Variants in TRIM27 observed in about 807,000 individuals in gnomAD.
TRIM27 encodes the protein tripartite motif containing 27, also known as zinc finger protein RFP.
In TRIM27, 12 loss-of-function variants were observed where a neutral mutation model predicts 57.6. The observed-to-expected ratio is 0.21, with a 90% CI of 0.13 to 0.34. The LOEUF is 0.34. Among genes scored for constraint, TRIM27 ranks in the 10% least tolerant of loss-of-function variants. TRIM27 has a pLI of 1.00. For synonymous variants in TRIM27, 266 were observed against 259.0 expected (o/e 1.03, Z -0.26); for missense variants, 403 against 656.8 (o/e 0.61, Z 4.22).
chr6:28,923,588 G>A lies in TRIM27; in HGVS notation c.45C>T (p.Thr15=). 1 of 1,604,090 alleles carries A rather than the reference G, an allele frequency of 6.2e-7. No individual in the cohort carries two copies. Among genetic ancestry groups the A allele is most frequent in the Non-Finnish European group, 8.5e-7 (1 of 1,174,584 alleles). Residue 15 remains threonine (T), a synonymous_variant, in exon 1 of 8, where the codon ACC becomes ACT. Transcript: ENST00000377199. ...CGAAGTACTGCAGGCACACGGGGCA[G>A]GTGGTCTCCTGCTGCAGGCACTCGG... ...SVAECLQQET[T]CPVCLQYFAE...
Position 28,920,063 on chromosome 6 carries a change from C to G in TRIM27, c.696G>C (p.Leu232=), listed in dbSNP as rs1488521014. 3 of 1,614,002 alleles carry G rather than the reference C, an allele frequency of 1.9e-6. No individual in the cohort carries two copies. The highest frequency in any genetic ancestry group is 2.5e-6 in the Non-Finnish European group (3 of 1,180,038). The change falls in exon 3 of 8, where the codon CTG becomes CTC. Residue 232 remains leucine, a synonymous_variant. Coordinates refer to ENST00000377199, the MANE Select transcript of TRIM27 (RefSeq NM_006510.5). The part of the protein sequence containing the change: ...FSCNISHLSS[L]IAQLEEKQQQ... ...GCTGCTTCTCTTCTAGCTGAGCGAT[C>G]AGGCTGCTGAGGTGGGAGATGTTGC...
rs376745182 is a variant in TRIM27, at chr6:28,923,882, C to T, written c.-250G>A. ...CGGCTCACCGAGGCTCGCGGCCACG[C>T]TAGTGGGGCAGGAAAGGGTAGCCGA... On this transcript the variant is annotated 5_prime_UTR_variant, in exon 1 of 8. Coordinates refer to ENST00000377199, the MANE Select transcript of TRIM27 (RefSeq NM_006510.5). The T allele has an allele frequency of 5.8e-5, 29 of 500,806 alleles. No homozygotes were observed. The African/African-American group carries it at 5.9e-4, about 10-fold the overall frequency. 31.0% of individuals were successfully genotyped at this position (500,806 alleles called of 1,614,324 possible).
At chr6:28,917,887 C>G (rs1253624387) in intron 3 of TRIM27, among the ~76,000 whole-genome samples, 1 of 150,804 alleles carries the variant, frequency 6.6e-6, no homozygotes, top group Non-Finnish European at 1.5e-5. Flanking sequence ...AATGCAATGG[C>G]GCAATCTCGG....
chr6:28,923,405 T>C lies in TRIM27; in HGVS notation c.228A>G (p.Gln76=). 8 of 1,612,212 alleles carry C rather than the reference T, an allele frequency of 5.0e-6. No individual in the cohort carries two copies. Among genetic ancestry groups the C allele is most frequent in the Non-Finnish European group, 6.8e-6 (8 of 1,179,500 alleles). Residue 76 remains glutamine (Q), a synonymous_variant, in exon 1 of 8, where the codon CAA becomes CAG. Transcript: ENST00000377199. ...RPNRHLANVT[Q]LVKQLRTERP... is the part of the protein sequence containing the mutation. ...GCTCGGTGCGCAGCTGCTTTACCAG[T>C]TGGGTCACGTTGGCCAGGTGCCGGT... is the stretch of plus-strand genomic sequence containing the variant.
At chr6:28,907,459 T>C (rs749484058) in intron 6 of TRIM27, 197 bp from the exon 7 acceptor site, 38 of 714,068 alleles carry the variant, frequency 5.3e-5, no homozygotes, top group Non-Finnish European at 8.3e-5. Flanking sequence ...GGGAGAGGGA[T>C]TGGGAATCTT....
In TRIM27 at chr6:28,923,967, C is replaced by G. The variant is rs1324240002; in HGVS notation, c.-335G>C. The G allele has an allele frequency of 2.9e-6, 1 of 341,416 alleles. No homozygotes were observed. Among genetic ancestry groups the G allele is most frequent in the East Asian group, 4.5e-5 (1 of 22,386 alleles). 21.1% of individuals were successfully genotyped at this position (341,416 alleles called of 1,614,324 possible). ...GCAAGACAACGTGGCCGCGTCCGAGCGGATGCCGGCGGCAGCGTAAACCCC... is the reference window on the plus strand; with the variant it reads ...GCAAGACAACGTGGCCGCGTCCGAGGGGATGCCGGCGGCAGCGTAAACCCC... On this transcript the variant is annotated 5_prime_UTR_variant, in exon 1 of 8. Transcript: ENST00000377199.
At chr6:28,923,126 T>C in intron 1 of TRIM27, 87 bp downstream of exon 1, 5 of 1,402,724 alleles carry the variant, frequency 3.6e-6, no homozygotes, top group Non-Finnish European at 4.7e-6. Flanking sequence ...GCTCAGCCAT[T>C]TTCTAGGCGG....
chr6:28,907,687 AT>A, intron 6 of TRIM27: 1 of 447,860 alleles, frequency 2.2e-6, no homozygotes, highest in Non-Finnish European at 4.5e-6. Context: ...AAACATGACC[AT>A]TCATTTATAA....
chr6:28,916,255 A>T (rs1458041017), intron 3 of TRIM27, among the ~76,000 whole-genome samples: 6 of 152,126 alleles, frequency 3.9e-5, no homozygotes, highest in African/African-American at 1.4e-4. Context: ...TCTTTAAAAA[A>T]ATATGCTAAG....
At chr6:28,912,541 C>T (rs1177674423) in intron 3 of TRIM27, among the ~76,000 whole-genome samples, 3 of 149,990 alleles carry the variant, frequency 2.0e-5, no homozygotes. Flanking sequence ...TTTTTATTTT[C>T]CACAAAGCAA....
At chr6:28,912,572 G>A (rs954588630) in intron 3 of TRIM27, among the ~76,000 whole-genome samples, 2 of 150,994 alleles carry the variant, frequency 1.3e-5, no homozygotes, top group African/African-American at 2.4e-5. Flanking sequence ...AAACCACTCC[G>A]TATCAGTTCA....
At chr6:28,909,971 C>T (rs928217453) in intron 4 of TRIM27, among the ~76,000 whole-genome samples, 9 of 152,024 alleles carry the variant, frequency 5.9e-5, no homozygotes, top group Non-Finnish European at 1.0e-4. Context: ...TTTGAGAAAT[C>T]TACTTAAAAA....
In TRIM27 at chr6:28,904,628, G is replaced by A. The variant is rs1482954955; in HGVS notation, c.984C>T (p.Ser328=). Residue 328 remains serine, a synonymous_variant, in exon 8 of 8, where the codon AGC becomes AGT. Coordinates refer to ENST00000377199, the MANE Select transcript of TRIM27 (RefSeq NM_006510.5). The surrounding 1 kb of genome is among the most constrained non-coding windows in gnomAD (Gnocchi z 6.1). ...VTLDPDTAYP[S]LILSDNLRQV... is the part of the protein sequence containing the mutation. ...GCCGCAGATTATCAGAGAGGATCAG[G>A]CTGGGGTAGGCCGTGTCTGGGTCCA... The A allele has an allele frequency of 1.2e-6, 2 of 1,600,250 alleles. No individual in the cohort carries two copies. Among genetic ancestry groups the A allele is most frequent in the South Asian group, 1.1e-5 (1 of 91,072 alleles).
intron 3 of TRIM27, among the ~76,000 whole-genome samples, chr6:28,919,256 C>T (rs753786751): frequency 3.3e-5 from 5 of 152,086 alleles, no homozygotes; most frequent in African/African-American, 7.2e-5. Context: ...GTGATCCACC[C>T]GCCTCGGCCC....
intron 1 of TRIM27, 72 bp downstream of exon 1, chr6:28,923,141 A>C (rs1405065566): frequency 7.0e-7 from 1 of 1,436,354 alleles, no homozygotes; most frequent in Non-Finnish European, 9.2e-7. Context: ...AGGCGGAAAA[A>C]AGGAAGCCCC....
At chr6:28,913,466 A>G (rs1773367851) in intron 3 of TRIM27, among the ~76,000 whole-genome samples, 1 of 151,750 alleles carries the variant, frequency 6.6e-6, no homozygotes, top group Non-Finnish European at 1.5e-5. Context: ...AAAATTGTTA[A>G]TTCTAACTGT....
chr6:28,911,079 C>A (rs1773169001), intron 4 of TRIM27, among the ~76,000 whole-genome samples: 1 of 152,206 alleles, frequency 6.6e-6, no homozygotes, highest in African/African-American at 2.4e-5. Context: ...TTACACCAAA[C>A]ATGAGCTTCC....
intron 4 of TRIM27, among the ~76,000 whole-genome samples, chr6:28,910,386 G>A (rs1270816657): frequency 6.6e-6 from 1 of 151,918 alleles, no homozygotes. Context: ...CTAGAGTGCA[G>A]TGGCATGATC....
chr6:28,917,719 A>G (rs2150484550), intron 3 of TRIM27, among the ~76,000 whole-genome samples: 1 of 152,142 alleles, frequency 6.6e-6, no homozygotes, highest in South Asian at 2.1e-4. Flanking sequence ...TTCCCATACA[A>G]CAGAAGACTC....
Sources: allele counts gnomAD v4.1 joint callset (sites outside exome capture counted in the v4.1 genomes callset), GRCh38; gene constraint gnomAD v4.1.1; non-coding constraint Gnocchi (gnomAD v3.1); transcripts MANE v1.5; gene names NCBI Gene and HGNC (gene_info 2026-07-23, HGNC 2026-07-21).